The following SGSM2 variants were observed in gnomAD, a reference collection of about 807,000 sequenced individuals.
SGSM2 encodes RUN and TBC1 domain containing 1.
In SGSM2, 89 loss-of-function variants were observed where a neutral mutation model predicts 126.6. That is an observed-to-expected ratio of 0.70 (90% CI 0.59 to 0.84). The LOEUF (loss-of-function observed/expected upper bound fraction) is 0.84, where lower values mean the gene tolerates loss of function less well. Ranked by LOEUF, SGSM2 falls within the 40% of genes least tolerant of loss-of-function variation. The pLI is 0.00. For synonymous variants in SGSM2, 614 were observed against 574.3 expected, an observed-to-expected ratio of 1.07 and a Z score of -0.99; for missense variants, 1,404 against 1,416.6, an observed-to-expected ratio of 0.99 and a Z score of 0.14.
At position 2,367,427 on chromosome 17, in the gene SGSM2, T is replaced by C. The variant is rs1220728212; in HGVS notation, c.1423+22T>C. Reference sequence around the variant, plus strand: ...AAAGGTTCTTATCCCTCCCTCTCCCTGACCCACCTCATCCCCACCCTCCCT... The same window carrying C: ...AAAGGTTCTTATCCCTCCCTCTCCCCGACCCACCTCATCCCCACCCTCCCT... On this transcript the variant is annotated intron_variant, in intron 12 of 23. Coordinates refer to ENST00000268989, the MANE Select transcript of SGSM2 (RefSeq NM_014853.3). This position sits in a 1 kb window ranked among gnomAD's most constrained non-coding sequence, Gnocchi z 4.0. 8.1e-6 allele frequency: 13 copies of C among 1,606,322 alleles called. No individual in the cohort carries two copies. The highest frequency in any genetic ancestry group is 1.1e-5 in the Non-Finnish European group (13 of 1,175,240).
intron 2 of SGSM2, among the ~76,000 whole-genome samples, chr17:2,359,543 C>T (rs1335265464): frequency 6.6e-6 from 1 of 152,076 alleles, no homozygotes; most frequent in East Asian, 1.9e-4. Context: ...GGGGACTGAG[C>T]GTGATGCCTG....
chr17:2,343,452 A>G lies in SGSM2; in HGVS notation c.58-93A>G, dbSNP rs1052043919. On this transcript the variant is annotated intron_variant, in intron 1 of 23. Coordinates refer to ENST00000268989, the MANE Select transcript of SGSM2 (RefSeq NM_014853.3). ...CTGCAAGTGTCTGAAAGTGCCCTTC[A>G]GACCAGAAGGGCGGAACCAAACTAT... 3 of 1,275,638 alleles carry G rather than the reference A, an allele frequency of 2.4e-6. No homozygotes were observed. The African/African-American group carries it at 4.4e-5, about 19-fold the overall frequency. The allele number at this position is 1,275,638 out of a possible 1,614,324, so 79.0% of individuals were successfully genotyped here.
rs1403564988 is a variant in SGSM2 at position 2,372,656 on chromosome 17, G to A, written c.1788+168G>A. 1.6e-5 allele frequency: 16 copies of A among 1,025,520 alleles called. No homozygotes were observed. Among genetic ancestry groups the A allele is most frequent in the Non-Finnish European group, 2.2e-5 (15 of 696,782 alleles). 63.5% of individuals were successfully genotyped at this position (1,025,520 alleles called of 1,614,324 possible). On this transcript the variant is annotated intron_variant, in intron 15 of 23. Coordinates refer to ENST00000268989, the MANE Select transcript of SGSM2 (RefSeq NM_014853.3). The surrounding 1 kb of genome is among the most constrained non-coding windows in gnomAD (Gnocchi z 6.0). ...TTGCAGCTGGGCCTGGGGCTGACAC[G>A]GGAAGGGGGCTGGACTGGGAAGCCG... is the stretch of plus-strand genomic sequence containing the variant.
intron 1 of SGSM2, among the ~76,000 whole-genome samples, chr17:2,340,233 G>T (rs2064287902): frequency 6.6e-6 from 1 of 151,792 alleles, no homozygotes; most frequent in Non-Finnish European, 1.5e-5. Context: ...CCCTGCCTCA[G>T]CCTCCCAAGT....
rs556390627 is a variant in SGSM2 at position 2,375,658 on chromosome 17, G to A, written c.2267G>A (p.Arg756His). The A allele has an allele frequency of 2.9e-5, 46 of 1,613,960 alleles. No individual in the cohort carries two copies. The Admixed American group carries it at 3.2e-4, about 11-fold the overall frequency. The change falls in exon 18 of 24, where the codon CGC (arginine) becomes CAC (histidine). Residue 756 changes from arginine to histidine, a missense_variant. Physicochemically the swap from Arg to His is conservative, Grantham distance 29 (BLOSUM62 0). Coordinates refer to ENST00000268989, the MANE Select transcript of SGSM2 (RefSeq NM_014853.3). ...DSPDSGLPSS[R>H]NYSVASGIQS... ...CCAGACTCAGGACTGCCCTCCTCTC[G>A]CAATTACTCCGTGGCCTCGGGCATC...
intron 18 of SGSM2, 81 bp downstream of exon 18, chr17:2,375,956 G>T (rs764068539): frequency 7.0e-5 from 106 of 1,512,558 alleles, no homozygotes; most frequent in Non-Finnish European, 8.3e-5. Flanking sequence ...CGCTGGTGGG[G>T]TGGAAGGCGG....
At position 2,373,414 on chromosome 17, in the gene SGSM2, G is replaced by T. The variant is rs200731948; in HGVS notation, c.2001G>T (p.Arg667=). ...ACEVVVRQRE[R]EAHPATRTKF... ...AGGTGGTGGTGAGGCAGCGGGAGCGGGAGGCCCACCCAGCCACACGCACCA... is the reference window on the plus strand; with the variant it reads ...AGGTGGTGGTGAGGCAGCGGGAGCGTGAGGCCCACCCAGCCACACGCACCA... The change falls in exon 17 of 24, where the codon CGG becomes CGT. Residue 667 remains arginine (R), a synonymous_variant. Coordinates refer to ENST00000268989, the MANE Select transcript of SGSM2 (RefSeq NM_014853.3). The T allele has an allele frequency of 6.2e-7, 1 of 1,612,060 alleles. No individual in the cohort carries two copies. The highest frequency in any genetic ancestry group is 8.5e-7 in the Non-Finnish European group (1 of 1,179,970).
At chr17:2,350,483 G>T (rs575746194) in intron 2 of SGSM2, among the ~76,000 whole-genome samples, 1 of 151,746 alleles carries the variant, frequency 6.6e-6, no homozygotes, top group Non-Finnish European at 1.5e-5. Flanking sequence ...GGTGGCGCAC[G>T]TCTATAATTC....
chr17:2,365,980 G>A (rs1050717456), intron 11 of SGSM2, among the ~76,000 whole-genome samples: 5 of 152,088 alleles, frequency 3.3e-5, no homozygotes, highest in Admixed American at 6.5e-5. Flanking sequence ...TCCTGACCTT[G>A]TGATCTGCCT....
intron 2 of SGSM2, among the ~76,000 whole-genome samples, chr17:2,352,873 G>T (rs2064923794): frequency 2.3e-5 from 3 of 131,632 alleles, no homozygotes; most frequent in Non-Finnish European, 1.6e-5. Flanking sequence ...TGCCTCCCGG[G>T]TTCACGCCAT....
In SGSM2 at chr17:2,337,739, G is replaced by A; in HGVS notation, c.51G>A (p.Lys17=). Residue 17 remains lysine (K), a synonymous_variant, in exon 1 of 24, where the codon AAG becomes AAA. Coordinates refer to ENST00000268989, the MANE Select transcript of SGSM2 (RefSeq NM_014853.3). The surrounding 1 kb of genome is among the most constrained non-coding windows in gnomAD (Gnocchi z 5.1). ...AVKEKLLWNV[K]KEVKQIMEEA... is the part of the protein sequence containing the mutation. ...AAGAGAAACTGCTGTGGAACGTGAA[G>A]AAGGAGGTAAAGTCGAGTCAAGAAC... 6.5e-7 allele frequency: 1 copy of A among 1,541,582 alleles called. No individual in the cohort carries two copies. The highest frequency in any genetic ancestry group is 8.8e-7 in the Non-Finnish European group (1 of 1,141,412).
chr17:2,372,842 C>T lies in SGSM2; in HGVS notation c.1789-111C>T. The T allele has an allele frequency of 7.1e-7, 1 of 1,416,054 alleles. No individual in the cohort carries two copies. Among genetic ancestry groups the T allele is most frequent in the Non-Finnish European group, 9.4e-7 (1 of 1,059,924 alleles). The allele number at this position is 1,416,054 out of a possible 1,614,324, so 87.7% of individuals were successfully genotyped here. On this transcript the variant is annotated intron_variant, in intron 15 of 23. Transcript: ENST00000268989. This position sits in a 1 kb window ranked among gnomAD's most constrained non-coding sequence, Gnocchi z 6.0. ...CCCAAAGCAGGCCTTGCCTGGGCTT[C>T]AGCAGTCACTACAGGCCCCGCCCCA...
At chr17:2,371,946 T>C (rs11653918) in intron 13 of SGSM2, 50,448 of 541,864 alleles carry the variant, frequency 0.093, 4,411 homozygotes, top group African/African-American at 0.27. Flanking sequence ...CGAAGATTCA[T>C]GTAGGTGAAG....
Position 2,373,295 on chromosome 17 carries a change from C to T in SGSM2, c.1918-36C>T, listed in dbSNP as rs200308114. On this transcript the variant is annotated intron_variant, in intron 16 of 23. Transcript: ENST00000268989. ...CTCCTGAAGGGGAGGGCCTGGTGCACGCTTCCCCCATGGTCGTGGTGTGGT... is the reference window on the plus strand; with the variant it reads ...CTCCTGAAGGGGAGGGCCTGGTGCATGCTTCCCCCATGGTCGTGGTGTGGT... 5.5e-5 allele frequency: 87 copies of T among 1,593,284 alleles called. 1 individual carries two copies. The highest frequency in any genetic ancestry group is 1.9e-4 in the Admixed American group (11 of 59,384).
intron 1 of SGSM2, among the ~76,000 whole-genome samples, chr17:2,342,433 C>CA (rs1405177586): frequency 1.3e-5 from 2 of 151,412 alleles, no homozygotes; most frequent in African/African-American, 4.9e-5. Flanking sequence ...CAGAAACAAA[C>CA]AAACAAAAAA....
intron 21 of SGSM2, chr17:2,377,498 A>ACCGAAAAAAAAGAAAAAAAAAAAAC (rs1407877395): frequency 5.3e-6 from 1 of 187,964 alleles, no homozygotes; most frequent in Non-Finnish European, 1.1e-5. Context: ...AAAAAAAAAA[A>ACCGAAAAAAAAGAAAAAAAAAAAAC]AACCATGGTT....
intron 2 of SGSM2, among the ~76,000 whole-genome samples, chr17:2,358,220 C>T (rs1343441234): frequency 6.6e-6 from 1 of 152,146 alleles, no homozygotes; most frequent in Non-Finnish European, 1.5e-5. Flanking sequence ...AAGCTTGGGC[C>T]GTCATGTGGA....
intron 17 of SGSM2, chr17:2,373,804 G>A: frequency 5.0e-6 from 2 of 401,232 alleles, no homozygotes; most frequent in Non-Finnish European, 9.1e-6. Context: ...CTTGTAGAAA[G>A]ACCTCAAAGC....
At chr17:2,361,008 A>G (rs542547970) in intron 2 of SGSM2, among the ~76,000 whole-genome samples, 1 of 152,284 alleles carries the variant, frequency 6.6e-6, no homozygotes, top group African/African-American at 2.4e-5. Flanking sequence ...GCAGCTCCCT[A>G]CTGTCTCCTA....
Sources: gnomAD v4.1 joint callset for allele counts (sites outside exome capture counted in the v4.1 genomes callset) on GRCh38, gnomAD v4.1.1 for gene constraint, Gnocchi (gnomAD v3.1) non-coding constraint, MANE v1.5 for transcripts, NCBI Gene and HGNC (gene_info 2026-07-23, HGNC 2026-07-21) for gene names.